The following ASXL2 variants were observed in gnomAD, a reference collection of about 807,000 sequenced individuals.
ASXL2 encodes the protein ASXL transcriptional regulator 2.
ASXL2 carries 23 observed loss-of-function variants against 122.0 expected under a neutral mutation model. The observed-to-expected ratio is 0.19, with a 90% CI of 0.14 to 0.27. ASXL2 has a LOEUF of 0.27. ASXL2 is among the 10% of genes least tolerant of loss of function. ASXL2 has a pLI of 1.00. For synonymous variants in ASXL2, 650 were observed against 637.0 expected (o/e 1.02, Z -0.31); for missense variants, 1,518 against 1,713.8 (o/e 0.89, Z 2.02).
chr2:25,750,069 G>C lies in ASXL2; in HGVS notation c.1487C>G (p.Ser496Cys), dbSNP rs371499020. 1 of 1,613,852 alleles carries C rather than the reference G, an allele frequency of 6.2e-7. No homozygotes were observed. Among genetic ancestry groups the C allele is most frequent in the African/African-American group, 1.3e-5 (1 of 74,912 alleles). Residue 496 changes from serine to cysteine, a missense_variant, in exon 12 of 13, where the codon TCT becomes TGT. By Grantham distance (112) the Ser-to-Cys change is moderately radical (BLOSUM62 -1). Transcript: ENST00000435504. ...GTTCTTCTCAGATTCCTGTTCAGCA[G>C]AGGTGACTGGCTTCTGCTCCAAGAG... ...EDLLEQKPVT[S>C]AEQESEKNHL...
rs528225448 is a variant in ASXL2, at chr2:25,858,363, C to T, written c.58-12800G>A. Among the ~76,000 whole-genome samples, 92 of 151,996 alleles carry T rather than the reference C, an allele frequency of 6.1e-4. 1 individual carries two copies. Among genetic ancestry groups the T allele is most frequent in the Non-Finnish European group, 1.1e-3 (75 of 67,986 alleles). On this transcript the variant is annotated intron_variant, in intron 1 of 12. Transcript: ENST00000435504. ...ACAAACCGGGTATATTAGTTTGGTGCCTTCCTTTACTCCATAGCAGCCATG... is the reference window on the plus strand; with the variant it reads ...ACAAACCGGGTATATTAGTTTGGTGTCTTCCTTTACTCCATAGCAGCCATG...
intron 2 of ASXL2, among the ~76,000 whole-genome samples, chr2:25,835,808 G>A: frequency 6.6e-6 from 1 of 152,140 alleles, no homozygotes; most frequent in East Asian, 1.9e-4. Flanking sequence ...ATTTGATTAT[G>A]TAACAGAGTA....
At chr2:25,851,286 T>C (rs1427941100) in intron 1 of ASXL2, among the ~76,000 whole-genome samples, 1 of 152,234 alleles carries the variant, frequency 6.6e-6, no homozygotes, top group Non-Finnish European at 1.5e-5. Context: ...ACTATTAATA[T>C]GAGTATCATT....
chr2:25,824,486 C>CA (rs1239995894), intron 3 of ASXL2, among the ~76,000 whole-genome samples: 1 of 152,086 alleles, frequency 6.6e-6, no homozygotes, highest in Non-Finnish European at 1.5e-5. Flanking sequence ...CGTACACACA[C>CA]ACACACACAC....
At chr2:25,773,948 T>C (rs2088504047) in intron 5 of ASXL2, among the ~76,000 whole-genome samples, 1 of 151,946 alleles carries the variant, frequency 6.6e-6, no homozygotes, top group African/African-American at 2.4e-5. Context: ...GAGAATCACT[T>C]GAACCTGGGA....
At chr2:25,756,453 C>CAAAAAAAAAAAA (rs554502367) in intron 9 of ASXL2, among the ~76,000 whole-genome samples, 2 of 23,342 alleles carry the variant, frequency 8.6e-5, no homozygotes, top group African/African-American at 1.9e-4. Context: ...CAGATAATGA[C>CAAAAAAAAAAAA]AAAAAAAAAA....
intron 1 of ASXL2, among the ~76,000 whole-genome samples, chr2:25,848,700 A>C (rs1022625656): frequency 6.6e-6 from 1 of 152,016 alleles, no homozygotes; most frequent in Non-Finnish European, 1.5e-5. Context: ...GATTTCACTG[A>C]TTTCCAAGAT....
At position 25,760,304 on chromosome 2, in the gene ASXL2, T is replaced by C. The variant is rs575037589; in HGVS notation, c.776-659A>G. 2.0e-3 allele frequency among the ~76,000 whole-genome samples: 303 copies of C among 151,786 alleles called. 1 individual carries two copies. Among genetic ancestry groups the C allele is most frequent in the African/African-American group, 7.1e-3 (295 of 41,458 alleles). ...TACACATCAATAAGAAAAAGACAAA[T>C]ACCACCAAGAGAAAAATGAGCAAAG... On this transcript the variant is annotated intron_variant, in intron 8 of 12. Coordinates refer to ENST00000435504, the MANE Select transcript of ASXL2 (RefSeq NM_018263.6).
At chr2:25,777,151 T>C (rs1273681112) in intron 5 of ASXL2, among the ~76,000 whole-genome samples, 1 of 152,154 alleles carries the variant, frequency 6.6e-6, no homozygotes, top group Non-Finnish European at 1.5e-5. Flanking sequence ...TGCAGTGACA[T>C]GATCGCACCC....
At chr2:25,855,730 A>C (rs1309984358) in intron 1 of ASXL2, among the ~76,000 whole-genome samples, 2 of 149,694 alleles carry the variant, frequency 1.3e-5, no homozygotes, top group African/African-American at 2.5e-5. Flanking sequence ...GGTCCCAGCT[A>C]CTCAAGAGGC....
chr2:25,759,372 T>C (rs1446322232), intron 9 of ASXL2, 110 bp downstream of exon 9: 2 of 1,221,822 alleles, frequency 1.6e-6, no homozygotes, highest in Non-Finnish European at 1.1e-6. Flanking sequence ...ACCTGCCTAT[T>C]AAGAAACTTA....
chr2:25,788,688 T>G (rs1382246636), intron 5 of ASXL2, among the ~76,000 whole-genome samples: 2 of 152,210 alleles, frequency 1.3e-5, no homozygotes, highest in African/African-American at 2.4e-5. Context: ...CTGTGGTCAC[T>G]AACGGAATTG....
chr2:25,813,067 GA>G (rs983670358), intron 3 of ASXL2, among the ~76,000 whole-genome samples: 5 of 151,722 alleles, frequency 3.3e-5, no homozygotes, highest in African/African-American at 1.2e-4. Context: ...ATAAAACCAA[GA>G]AAAAAAACAT....
intron 12 of ASXL2, among the ~76,000 whole-genome samples, chr2:25,746,723 C>T (rs1212748378): frequency 2.6e-5 from 4 of 152,096 alleles, no homozygotes; most frequent in Non-Finnish European, 5.9e-5. Context: ...GGTTTCGATA[C>T]CTAAAAATAA....
intron 4 of ASXL2, among the ~76,000 whole-genome samples, chr2:25,799,980 C>CA (rs35716821): frequency 0.39 from 36,673 of 94,466 alleles, 5,109 homozygotes; most frequent in African/African-American, 0.43. Flanking sequence ...CCCGTCTCTA[C>CA]AAAAAAAAAA....
At chr2:25,815,145 A>C (rs2089218128) in intron 3 of ASXL2, among the ~76,000 whole-genome samples, 1 of 152,202 alleles carries the variant, frequency 6.6e-6, no homozygotes, top group Non-Finnish European at 1.5e-5. Flanking sequence ...CTGAAGCCAG[A>C]GTAACCTTTT....
At chr2:25,757,421 G>A (rs2088153486) in intron 9 of ASXL2, among the ~76,000 whole-genome samples, 2 of 149,686 alleles carry the variant, frequency 1.3e-5, no homozygotes, top group Non-Finnish European at 1.5e-5. Context: ...GGTGGATCAC[G>A]AGGTCAGGAG....
chr2:25,755,798 A>G (rs1413869743), intron 10 of ASXL2, among the ~76,000 whole-genome samples: 1 of 152,242 alleles, frequency 6.6e-6, no homozygotes, highest in Non-Finnish European at 1.5e-5. Flanking sequence ...TGGAAGCTTT[A>G]TATCATTAAA....
intron 3 of ASXL2, among the ~76,000 whole-genome samples, chr2:25,826,910 T>C (rs1413165885): frequency 6.6e-6 from 1 of 151,824 alleles, no homozygotes; most frequent in African/African-American, 2.4e-5. Context: ...TACTGCAGCC[T>C]TGAATTCCTA....
Sources: gnomAD v4.1 joint callset for allele counts (sites outside exome capture counted in the v4.1 genomes callset) on GRCh38, gnomAD v4.1.1 for gene constraint, MANE v1.5 for transcripts, NCBI Gene and HGNC (gene_info 2026-07-23, HGNC 2026-07-21) for gene names.